GRID2: variants seen among roughly 807,000 people sequenced by gnomAD.
GRID2 encodes glutamate ionotropic receptor delta type subunit 2, also known as glutamate receptor ionotropic, delta-2.
A neutral mutation model predicts 114.8 loss-of-function variants in GRID2; 33 were observed. That is an observed-to-expected ratio of 0.29 (90% CI 0.22 to 0.38). The LOEUF (loss-of-function observed/expected upper bound fraction) is 0.38. Ranked by LOEUF, GRID2 falls within the 10% of genes least tolerant of loss-of-function variation. The probability of loss-of-function intolerance (pLI) is 1.00; values close to 1 mark genes in which losing one functional copy is unlikely to be tolerated. For missense variants in GRID2, 1,184 were observed against 1,257.7 expected, an observed-to-expected ratio of 0.94 and a Z score of 0.89; for synonymous variants, 505 against 449.9, an observed-to-expected ratio of 1.12 and a Z score of -1.55.
intron 14 of GRID2, among the ~76,000 whole-genome samples, chr4:93,647,094 A>T (rs1194598983): frequency 6.6e-6 from 1 of 152,180 alleles, no homozygotes. Flanking sequence ...TTTCTGTGTT[A>T]GATGAAGGAC....
intron 14 of GRID2, among the ~76,000 whole-genome samples, chr4:93,676,009 AAG>A (rs1724823260): frequency 6.6e-6 from 1 of 152,200 alleles, no homozygotes; most frequent in Non-Finnish European, 1.5e-5. Context: ...TTTGAAATTC[AAG>A]AGTAATTTGA....
intron 12 of GRID2, among the ~76,000 whole-genome samples, chr4:93,512,402 G>A (rs1179082823): frequency 2.0e-5 from 3 of 152,110 alleles, no homozygotes; most frequent in African/African-American, 4.8e-5. Flanking sequence ...GTGACCGCTT[G>A]TAATAGTTAC....
intron 2 of GRID2, among the ~76,000 whole-genome samples, chr4:92,844,543 C>CATCATCATG (rs577219396): frequency 7.7e-4 from 117 of 151,506 alleles, no homozygotes; most frequent in African/African-American, 2.8e-3. Context: ...TGTCTCTAAT[C>CATCATCATG]ATCATCATCA....
chr4:92,522,274 C>T (rs115510506), intron 1 of GRID2, among the ~76,000 whole-genome samples: 1,520 of 151,644 alleles, frequency 0.01, 27 homozygotes, highest in African/African-American at 0.035. Flanking sequence ...GCTGAAGGAA[C>T]AATAAGGAGG....
chr4:92,714,311 G>A (rs1735423520), intron 2 of GRID2, among the ~76,000 whole-genome samples: 1 of 152,184 alleles, frequency 6.6e-6, no homozygotes. Flanking sequence ...CTTGGGGGCT[G>A]CCACCTCTGT....
At chr4:92,839,515 A>T (rs1360972852) in intron 2 of GRID2, among the ~76,000 whole-genome samples, 1 of 149,926 alleles carries the variant, frequency 6.7e-6, no homozygotes, top group Non-Finnish European at 1.5e-5. Flanking sequence ...AAAATTAAAA[A>T]GTTTTCTTTA....
At chr4:93,363,178 C>T (rs1222983473) in intron 8 of GRID2, among the ~76,000 whole-genome samples, 2 of 152,192 alleles carry the variant, frequency 1.3e-5, no homozygotes, top group Admixed American at 6.6e-5. Flanking sequence ...AATTGCACCA[C>T]TGCACTCCAG....
chr4:93,496,405 G>A (rs2149467528), intron 12 of GRID2, among the ~76,000 whole-genome samples: 1 of 151,116 alleles, frequency 6.6e-6, no homozygotes, highest in Non-Finnish European at 1.5e-5. Context: ...TTGGTACAAT[G>A]TGTGCAAATT....
At chr4:93,493,540 T>C (rs1727229898) in intron 12 of GRID2, among the ~76,000 whole-genome samples, 1 of 82,616 alleles carries the variant, frequency 1.2e-5, no homozygotes, top group South Asian at 4.2e-4. Context: ...GTCAAATTCT[T>C]TTTTTTTTCT....
At chr4:92,545,067 A>G (rs530325734) in intron 1 of GRID2, among the ~76,000 whole-genome samples, 1 of 152,226 alleles carries the variant, frequency 6.6e-6, no homozygotes, top group South Asian at 2.1e-4. Context: ...CACCTAGACA[A>G]AAGCCACTGA....
chr4:92,593,939 A>C (rs1728829123), intron 2 of GRID2, among the ~76,000 whole-genome samples: 2 of 151,010 alleles, frequency 1.3e-5, no homozygotes, highest in African/African-American at 4.9e-5. Flanking sequence ...GAAAAAAAAA[A>C]CGTATATGGG....
At chr4:93,226,540 G>A (rs1056350578) in intron 7 of GRID2, among the ~76,000 whole-genome samples, 19 of 152,254 alleles carry the variant, frequency 1.2e-4, no homozygotes, top group African/African-American at 3.6e-4. Context: ...GATTGGGCCC[G>A]CAAGGCCTCA....
intron 1 of GRID2, among the ~76,000 whole-genome samples, chr4:92,532,956 T>C (rs1252902552): frequency 6.6e-6 from 1 of 152,082 alleles, no homozygotes; most frequent in Non-Finnish European, 1.5e-5. Context: ...GGCGTGCACC[T>C]GTAGTCCAGC....
intron 1 of GRID2, among the ~76,000 whole-genome samples, chr4:92,334,504 A>C (rs1389050363): frequency 6.6e-6 from 1 of 152,030 alleles, no homozygotes; most frequent in African/African-American, 2.4e-5. Flanking sequence ...TTTGGTGAGG[A>C]CTTCTGTACT....
intron 2 of GRID2, among the ~76,000 whole-genome samples, chr4:92,720,975 A>G (rs1272762543): frequency 6.6e-6 from 1 of 152,130 alleles, no homozygotes; most frequent in Non-Finnish European, 1.5e-5. Context: ...GAGCCTTAAG[A>G]AGGAAGACCA....
At chr4:93,723,123 T>G (rs1303395789) in intron 14 of GRID2, among the ~76,000 whole-genome samples, 1 of 152,214 alleles carries the variant, frequency 6.6e-6, no homozygotes, top group East Asian at 1.9e-4. Context: ...ATCCTCCACT[T>G]AGCCCCTACC....
At chr4:93,652,197 A>G (rs1722639227) in intron 14 of GRID2, among the ~76,000 whole-genome samples, 1 of 152,054 alleles carries the variant, frequency 6.6e-6, no homozygotes, top group Admixed American at 6.6e-5. Flanking sequence ...TTATAAGAAG[A>G]GGTTAGAATA....
chr4:93,221,785 G>C (rs1744905333), intron 6 of GRID2, among the ~76,000 whole-genome samples: 1 of 152,076 alleles, frequency 6.6e-6, no homozygotes, highest in Admixed American at 6.6e-5. Flanking sequence ...AAAAGCTCAG[G>C]GAATATTACC....
chr4:92,396,161 G>A (rs1326183284), intron 1 of GRID2, among the ~76,000 whole-genome samples: 3 of 151,740 alleles, frequency 2.0e-5, no homozygotes, highest in African/African-American at 7.3e-5. Flanking sequence ...ATATTTTGGG[G>A]GAAATTTGCA....
Sources: gnomAD v4.1 joint callset for allele counts (sites outside exome capture counted in the v4.1 genomes callset) on GRCh38, gnomAD v4.1.1 for gene constraint, MANE v1.5 for transcripts, NCBI Gene and HGNC (gene_info 2026-07-23, HGNC 2026-07-21) for gene names.